IGFBP7: variants seen among roughly 807,000 people sequenced by gnomAD.
IGFBP7 encodes insulin like growth factor binding protein 7.
A neutral mutation model predicts 29.4 loss-of-function variants in IGFBP7; 31 were observed. The observed-to-expected ratio is 1.05, with a 90% CI of 0.79 to 1.42. The LOEUF (loss-of-function observed/expected upper bound fraction) is 1.42, where lower values mean the gene tolerates loss of function less well. Ranked by LOEUF, IGFBP7 falls within the 40% of genes most tolerant of loss-of-function variation. The pLI, the probability that IGFBP7 is intolerant of heterozygous loss-of-function variation, is 0.00. For missense variants in IGFBP7, 393 were observed against 395.5 expected (o/e 0.99, Z 0.05); for synonymous variants, 172 against 174.9 (o/e 0.98, Z 0.13).
intron 2 of IGFBP7, among the ~76,000 whole-genome samples, chr4:57,035,013 A>G (rs1410164139): frequency 6.6e-6 from 1 of 152,240 alleles, no homozygotes; most frequent in Non-Finnish European, 1.5e-5. Flanking sequence ...TTTTGGTAGA[A>G]GTATTAATTT....
chr4:57,083,242 G>A (rs928883136), intron 1 of IGFBP7, among the ~76,000 whole-genome samples: 1 of 152,170 alleles, frequency 6.6e-6, no homozygotes, highest in Admixed American at 6.5e-5. Context: ...CTTTTGAAAA[G>A]CTTGTTAGGA....
chr4:57,060,929 C>A (rs1724782600), intron 1 of IGFBP7, among the ~76,000 whole-genome samples: 1 of 151,822 alleles, frequency 6.6e-6, no homozygotes, highest in Non-Finnish European at 1.5e-5. Context: ...TTCCTGTAGT[C>A]CCAGCTACTC....
intron 1 of IGFBP7, among the ~76,000 whole-genome samples, chr4:57,084,786 AG>A (rs879601250): frequency 9.0e-6 from 1 of 111,010 alleles, no homozygotes; most frequent in Non-Finnish European, 2.0e-5. Flanking sequence ...TGTTTAAAAA[AG>A]GTTTTTTTTT....
chr4:57,054,915 C>G (rs1040708637), intron 1 of IGFBP7, among the ~76,000 whole-genome samples: 3 of 152,164 alleles, frequency 2.0e-5, no homozygotes, highest in Non-Finnish European at 4.4e-5. Context: ...AGTTCTTCAG[C>G]TCCCTGAGAA....
intron 1 of IGFBP7, among the ~76,000 whole-genome samples, chr4:57,057,328 G>A (rs539787928): frequency 6.6e-6 from 1 of 152,344 alleles, no homozygotes; most frequent in African/African-American, 2.4e-5. Context: ...GGTTTTAAAG[G>A]TGAGGACATT....
intron 1 of IGFBP7, among the ~76,000 whole-genome samples, chr4:57,094,271 T>C (rs369098260): frequency 4.9e-4 from 74 of 152,322 alleles, no homozygotes; most frequent in African/African-American, 1.0e-3. Flanking sequence ...AGTAACCTTG[T>C]GTCCTGAGCT....
At chr4:57,062,891 A>G (rs1724832749) in intron 1 of IGFBP7, among the ~76,000 whole-genome samples, 1 of 152,208 alleles carries the variant, frequency 6.6e-6, no homozygotes, top group Non-Finnish European at 1.5e-5. Flanking sequence ...CTCTTGAGAA[A>G]AACTTTCTAA....
intron 1 of IGFBP7, among the ~76,000 whole-genome samples, chr4:57,055,634 C>G (rs1345877194): frequency 1.1e-5 from 1 of 87,510 alleles, no homozygotes; most frequent in African/African-American, 3.7e-5. Flanking sequence ...CGGGGGTGGA[C>G]AGGGTCATCG....
chr4:57,057,013 T>C (rs1282948132), intron 1 of IGFBP7, among the ~76,000 whole-genome samples: 2 of 152,212 alleles, frequency 1.3e-5, no homozygotes, highest in Non-Finnish European at 2.9e-5. Flanking sequence ...TAGATTTTTT[T>C]TTCTTTTTTT....
At chr4:57,042,512 T>C (rs1194266487) in intron 1 of IGFBP7, among the ~76,000 whole-genome samples, 1 of 152,188 alleles carries the variant, frequency 6.6e-6, no homozygotes, top group Non-Finnish European at 1.5e-5. Context: ...CATGCCCAGC[T>C]AATTTTTGTG....
At chr4:57,050,208 A>G (rs1472307314) in intron 1 of IGFBP7, among the ~76,000 whole-genome samples, 1 of 150,526 alleles carries the variant, frequency 6.6e-6, no homozygotes, top group African/African-American at 2.4e-5. Flanking sequence ...TATTCACATT[A>G]TGGTTCTCAC....
At chr4:57,098,631 C>T (rs904339706) in intron 1 of IGFBP7, among the ~76,000 whole-genome samples, 3 of 152,168 alleles carry the variant, frequency 2.0e-5, no homozygotes, top group South Asian at 2.1e-4. Flanking sequence ...TATCTGGCAG[C>T]GTCTTGATCT....
intron 1 of IGFBP7, among the ~76,000 whole-genome samples, chr4:57,041,788 C>T (rs1578609622): frequency 6.6e-6 from 1 of 152,142 alleles, no homozygotes; most frequent in Admixed American, 6.5e-5. Context: ...ATTCTCCTGC[C>T]TCAGCCTCCC....
chr4:57,106,587 A>G (rs1726036542), intron 1 of IGFBP7, among the ~76,000 whole-genome samples: 1 of 152,180 alleles, frequency 6.6e-6, no homozygotes, highest in Non-Finnish European at 1.5e-5. Flanking sequence ...ATGTCCTGCT[A>G]GGTAGTTTGA....
chr4:57,081,079 C>T (rs1005065420), intron 1 of IGFBP7, among the ~76,000 whole-genome samples: 9 of 152,196 alleles, frequency 5.9e-5, no homozygotes, highest in African/African-American at 2.2e-4. Context: ...GAGCTTCCCC[C>T]TTTTGTCAGC....
At chr4:57,076,819 C>G (rs1200205753) in intron 1 of IGFBP7, among the ~76,000 whole-genome samples, 2 of 152,140 alleles carry the variant, frequency 1.3e-5, no homozygotes, top group African/African-American at 4.8e-5. Flanking sequence ...TATTTAAGGT[C>G]AAGGTAACGA....
At chr4:57,040,567 C>T (rs1724196481) in intron 2 of IGFBP7, among the ~76,000 whole-genome samples, 1 of 152,186 alleles carries the variant, frequency 6.6e-6, no homozygotes, top group Admixed American at 6.5e-5. Flanking sequence ...GCACACACAC[C>T]CTGAAGGTGG....
At chr4:57,063,397 T>C (rs1360849750) in intron 1 of IGFBP7, among the ~76,000 whole-genome samples, 1 of 152,214 alleles carries the variant, frequency 6.6e-6, no homozygotes, top group African/African-American at 2.4e-5. Context: ...TTCTCTCTAG[T>C]TCTTTCCTGT....
chr4:57,109,672 C>T, intron 1 of IGFBP7: 1 of 619,740 alleles, frequency 1.6e-6, no homozygotes, highest in Non-Finnish European at 2.7e-6. Context: ...CAAAATAAAA[C>T]CACCAAAAAG....
Sources: allele counts gnomAD v4.1 joint callset (sites outside exome capture counted in the v4.1 genomes callset), GRCh38; gene constraint gnomAD v4.1.1; transcripts MANE v1.5; gene names NCBI Gene and HGNC (gene_info 2026-07-23, HGNC 2026-07-21).